Variants in NECAB1 observed in about 807,000 individuals in gnomAD.
NECAB1 encodes the protein N-terminal EF-hand calcium binding protein 1.
NECAB1 carries 29 observed loss-of-function variants against 57.5 expected under a neutral mutation model. The observed-to-expected ratio is 0.50, with a 90% confidence interval of 0.38 to 0.69. The LOEUF (loss-of-function observed/expected upper bound fraction) is 0.69, where lower values mean the gene tolerates loss of function less well. Among genes scored for constraint, NECAB1 ranks in the 30% least tolerant of loss-of-function variants. The pLI, the probability that NECAB1 is intolerant of heterozygous loss-of-function variation, is 0.00. For missense variants in NECAB1, 372 were observed against 413.8 expected (o/e 0.90, Z 0.88); for synonymous variants, 142 against 147.7 (o/e 0.96, Z 0.28).
intron 5 of NECAB1, among the ~76,000 whole-genome samples, chr8:90,891,764 GC>G (rs552925451): frequency 6.6e-6 from 1 of 151,728 alleles, no homozygotes; most frequent in Non-Finnish European, 1.5e-5. Flanking sequence ...TGGGATCTCA[GC>G]TCATTGCAAC....
At chr8:90,885,307 C>T (rs1049680557) in intron 5 of NECAB1, among the ~76,000 whole-genome samples, 47 of 152,152 alleles carry the variant, frequency 3.1e-4, no homozygotes, top group African/African-American at 1.1e-3. Flanking sequence ...CTTGCACTGG[C>T]ACCTACCTGG....
At chr8:90,925,502 C>T (rs755711237) in intron 6 of NECAB1, 33 bp from the exon 7 acceptor site, 6 of 1,605,470 alleles carry the variant, frequency 3.7e-6, no homozygotes, top group South Asian at 1.1e-5. Context: ...GAAGCACTAA[C>T]ATTAAGGTTA....
At chr8:90,952,871 T>C (rs1464422978) in intron 12 of NECAB1, among the ~76,000 whole-genome samples, 1 of 152,184 alleles carries the variant, frequency 6.6e-6, no homozygotes, top group Non-Finnish European at 1.5e-5. Flanking sequence ...GCTGCAAGCT[T>C]TGTACATAGA....
At chr8:90,842,055 A>G (rs1812464587) in intron 3 of NECAB1, among the ~76,000 whole-genome samples, 1 of 152,192 alleles carries the variant, frequency 6.6e-6, no homozygotes, top group Admixed American at 6.5e-5. Flanking sequence ...TGAGAGGAGA[A>G]AGAGCATGAG....
chr8:90,935,139 G>A (rs1460474596), intron 9 of NECAB1, among the ~76,000 whole-genome samples: 1 of 152,018 alleles, frequency 6.6e-6, no homozygotes, highest in African/African-American at 2.4e-5. Context: ...GATGTCAAAG[G>A]ATTGGTCACA....
chr8:90,886,342 T>C (rs1421603804), intron 5 of NECAB1, among the ~76,000 whole-genome samples: 1 of 152,116 alleles, frequency 6.6e-6, no homozygotes, highest in Non-Finnish European at 1.5e-5. Flanking sequence ...ACACTTAAAA[T>C]GCCAGGTTTA....
intron 3 of NECAB1, among the ~76,000 whole-genome samples, chr8:90,864,274 G>C (rs1352002176): frequency 7.4e-6 from 1 of 135,650 alleles, no homozygotes; most frequent in South Asian, 2.4e-4. Context: ...AACAACTCTG[G>C]TGGAAAAAAA....
chr8:90,916,808 A>C (rs1486013145), intron 5 of NECAB1, among the ~76,000 whole-genome samples: 1 of 151,896 alleles, frequency 6.6e-6, no homozygotes, highest in East Asian at 1.9e-4. Flanking sequence ...GTCTGCAGTG[A>C]CCTCTGCAGT....
At chr8:90,888,361 C>G (rs1187254381) in intron 5 of NECAB1, among the ~76,000 whole-genome samples, 1 of 152,168 alleles carries the variant, frequency 6.6e-6, no homozygotes, top group Non-Finnish European at 1.5e-5. Flanking sequence ...AAGAACTGAA[C>G]TTTGAAATTC....
chr8:90,798,351 T>C (rs960479357), intron 1 of NECAB1, among the ~76,000 whole-genome samples: 3 of 152,220 alleles, frequency 2.0e-5, no homozygotes, highest in Non-Finnish European at 4.4e-5. Context: ...GTTACGTGGG[T>C]GTATCACATG....
intron 5 of NECAB1, among the ~76,000 whole-genome samples, chr8:90,889,319 C>T (rs1454062780): frequency 2.6e-5 from 4 of 152,134 alleles, no homozygotes; most frequent in Non-Finnish European, 4.4e-5. Flanking sequence ...TCAGCTAACG[C>T]CCTCAAGGTC....
At chr8:90,817,196 T>A (rs1812073416) in intron 2 of NECAB1, among the ~76,000 whole-genome samples, 1 of 151,776 alleles carries the variant, frequency 6.6e-6, no homozygotes, top group Non-Finnish European at 1.5e-5. Context: ...ACTCTAGGGT[T>A]TTTGTTTTGT....
chr8:90,818,557 G>T (rs1304595162), intron 2 of NECAB1, among the ~76,000 whole-genome samples: 2 of 151,958 alleles, frequency 1.3e-5, no homozygotes, highest in African/African-American at 4.8e-5. Flanking sequence ...TATTCTTACT[G>T]CTTGCATTGT....
At chr8:90,820,269 A>AATG (rs35073662) in intron 2 of NECAB1, among the ~76,000 whole-genome samples, 62,173 of 151,426 alleles carry the variant, frequency 0.41, 13,892 homozygotes, top group East Asian at 0.81. Flanking sequence ...TAAGGACAGA[A>AATG]ATGACATCTA....
intron 5 of NECAB1, among the ~76,000 whole-genome samples, chr8:90,882,507 T>A (rs1808863229): frequency 6.6e-6 from 1 of 152,112 alleles, no homozygotes; most frequent in African/African-American, 2.4e-5. Flanking sequence ...GGAAACTGTA[T>A]AATAACTTCA....
chr8:90,954,634 A>G (rs1810984956), intron 12 of NECAB1, among the ~76,000 whole-genome samples: 1 of 151,980 alleles, frequency 6.6e-6, no homozygotes, highest in Admixed American at 6.6e-5. Context: ...TGTTTTCAGG[A>G]TATCTATATT....
chr8:90,935,338 C>A (rs766341526), intron 9 of NECAB1, among the ~76,000 whole-genome samples: 1 of 152,146 alleles, frequency 6.6e-6, no homozygotes. Context: ...ATCATGGCTG[C>A]TACTGTTAGA....
At chr8:90,894,088 C>T (rs890154753) in intron 5 of NECAB1, among the ~76,000 whole-genome samples, 6 of 152,072 alleles carry the variant, frequency 3.9e-5, no homozygotes, top group Admixed American at 6.5e-5. Context: ...TGCTGATAAC[C>T]TAAAAAGCAA....
intron 1 of NECAB1, among the ~76,000 whole-genome samples, chr8:90,794,892 T>C (rs763675289): frequency 1.3e-5 from 2 of 152,198 alleles, no homozygotes; most frequent in Non-Finnish European, 2.9e-5. Context: ...TGCTAGAATA[T>C]GACAGAATTA....
Sources: gnomAD v4.1 joint callset for allele counts (sites outside exome capture counted in the v4.1 genomes callset) on GRCh38, gnomAD v4.1.1 for gene constraint, MANE v1.5 for transcripts, NCBI Gene and HGNC (gene_info 2026-07-23, HGNC 2026-07-21) for gene names.